ESR1: variants seen among roughly 807,000 people sequenced by gnomAD.
ESR1 encodes the protein estrogen receptor.
In ESR1, 12 loss-of-function variants were observed where a neutral mutation model predicts 52.7. The observed-to-expected ratio is 0.23, with a 90% CI of 0.15 to 0.37. The LOEUF (loss-of-function observed/expected upper bound fraction) is 0.37, where lower values mean the gene tolerates loss of function less well. ESR1 is among the 10% of genes least tolerant of loss of function. The pLI, the probability that ESR1 is intolerant of heterozygous loss-of-function variation, is 1.00. For synonymous variants in ESR1, 305 were observed against 316.8 expected (o/e 0.96, Z 0.39); for missense variants, 584 against 779.7 (o/e 0.75, Z 2.99).
chr6:151,804,387 C>T (rs1777573431), upstream of ESR1: 1 of 152,244 alleles, frequency 6.6e-6, no homozygotes, highest in East Asian at 1.9e-4. Context: ...CCCTGTTCCT[C>T]TCTCCTCCCT....
chr6:152,079,675 G>A (rs968650362), intron 6 of ESR1, among the ~76,000 whole-genome samples: 40 of 152,006 alleles, frequency 2.6e-4, no homozygotes, highest in African/African-American at 7.7e-4. Context: ...TCAGAAGGTC[G>A]GTAATAACAA....
At chr6:152,017,006 C>A (rs548204791) in intron 5 of ESR1, among the ~76,000 whole-genome samples, 37 of 152,130 alleles carry the variant, frequency 2.4e-4, no homozygotes, top group Non-Finnish European at 5.0e-4. Flanking sequence ...TCTCTCAAAT[C>A]TTTGCAAATC....
chr6:152,122,417 C>T (rs1460786833), intron 6 of ESR1: 2 of 1,614,038 alleles, frequency 1.2e-6, no homozygotes, highest in East Asian at 4.5e-5. Flanking sequence ...AGCACTTCTG[C>T]AGATGGCATC....
chr6:151,889,522 G>C (rs1794388945), intron 3 of ESR1, among the ~76,000 whole-genome samples: 1 of 151,972 alleles, frequency 6.6e-6, no homozygotes, highest in Non-Finnish European at 1.5e-5. Flanking sequence ...TTTTATTTCT[G>C]ATTCAGTTTA....
chr6:151,743,058 G>A (rs776278096), intron 2 of ESR1, among the ~76,000 whole-genome samples: 4 of 152,184 alleles, frequency 2.6e-5, no homozygotes, highest in Non-Finnish European at 5.9e-5. Context: ...CCATAGATCT[G>A]GACGTCGGTC....
At chr6:151,809,451 C>A (rs1778441790) in intron 1 of ESR1, among the ~76,000 whole-genome samples, 1 of 152,166 alleles carries the variant, frequency 6.6e-6, no homozygotes, top group South Asian at 2.1e-4. Flanking sequence ...GGCCACAGGA[C>A]AGGTGTACCC....
intron 2 of ESR1, among the ~76,000 whole-genome samples, chr6:151,865,876 T>G (rs1562492015): frequency 6.6e-6 from 1 of 152,158 alleles, no homozygotes; most frequent in Non-Finnish European, 1.5e-5. Context: ...TAGAATGGGA[T>G]GTGGATGGAA....
rs116190197 is a variant in ESR1, at chr6:152,041,977, A to G, written c.1236-19014A>G. The stretch of plus-strand genomic sequence containing the variant: ...TCACCGCTTAGTTAAGCTTACAATA[A>G]TCCACTGTCATTTTACAAGATCCAT... On this transcript the variant is annotated intron_variant, in intron 5 of 7. Coordinates refer to ENST00000206249, the MANE Select transcript of ESR1 (RefSeq NM_000125.4). Among the ~76,000 whole-genome samples the G allele has an allele frequency of 3.1e-3, 465 of 152,314 alleles. 6 individuals are homozygous for G. Among genetic ancestry groups the G allele is most frequent in the African/African-American group, 0.011 (440 of 41,578 alleles).
chr6:151,854,328 G>T lies in ESR1; in HGVS notation c.643+11541G>T, dbSNP rs138179875. Among the ~76,000 whole-genome samples the T allele has an allele frequency of 2.0e-5, 3 of 152,212 alleles. No individual in the cohort carries two copies. The East Asian group carries it at 5.8e-4, about 29-fold the overall frequency. Reference sequence around the variant, plus strand: ...ATTTTCCACTTACGTGTGGGTTAGAGAGCAGATTTGATTTTTTTTTAAGCG... The same window carrying T: ...ATTTTCCACTTACGTGTGGGTTAGATAGCAGATTTGATTTTTTTTTAAGCG... On this transcript the variant is annotated intron_variant, in intron 2 of 7. Coordinates refer to ENST00000206249, the MANE Select transcript of ESR1 (RefSeq NM_000125.4).
chr6:151,906,552 C>T (rs1797488115), intron 3 of ESR1, among the ~76,000 whole-genome samples: 1 of 151,370 alleles, frequency 6.6e-6, no homozygotes. Flanking sequence ...ATACAACAGC[C>T]TGAATTTTTA....
chr6:152,019,478 C>A (rs1050071985), intron 5 of ESR1, among the ~76,000 whole-genome samples: 1 of 152,196 alleles, frequency 6.6e-6, no homozygotes, highest in Admixed American at 6.5e-5. Flanking sequence ...TCTTAAGAGA[C>A]TTAAGCCTGT....
rs1273610262 is a variant in ESR1 at position 151,674,253 on chromosome 6, CT to C, written n.73+17491del. On this transcript the variant is annotated intron_variant and non_coding_transcript_variant, in intron 1 of 2. Transcript: ENST00000473497. ...GTGTCCATGTGTTCTCATTGTTCAA[CT>C]CCCATTTATGAGTGAGAACATGCAG... is the stretch of plus-strand genomic sequence containing the variant. Among the ~76,000 whole-genome samples, 3 of 152,276 alleles carry C rather than the reference CT, an allele frequency of 2.0e-5. No individual in the cohort carries two copies. In the East Asian group the frequency reaches 5.8e-4, roughly 29 times the overall value.
intron 2 of ESR1, among the ~76,000 whole-genome samples, chr6:151,728,930 A>G (rs1455235176): frequency 6.6e-6 from 1 of 152,246 alleles, no homozygotes; most frequent in Non-Finnish European, 1.5e-5. Flanking sequence ...ATGCATGTAG[A>G]TAAAACCTAA....
chr6:151,693,758 C>G (rs749823103), intron 1 of ESR1, among the ~76,000 whole-genome samples: 2 of 152,194 alleles, frequency 1.3e-5, no homozygotes, highest in Non-Finnish European at 2.9e-5. Flanking sequence ...GCTGGGATTA[C>G]AGGCATGTGC....
intron 3 of ESR1, among the ~76,000 whole-genome samples, chr6:151,903,241 C>G (rs559243775): frequency 6.6e-6 from 1 of 152,146 alleles, no homozygotes; most frequent in Non-Finnish European, 1.5e-5. Context: ...TGTTTTCCTT[C>G]TGAATTGCTA....
At chr6:151,850,161 T>C (rs1035403996) in intron 2 of ESR1, among the ~76,000 whole-genome samples, 1 of 41,764 alleles carries the variant, frequency 2.4e-5, no homozygotes, top group African/African-American at 1.1e-4. Context: ...CCCAGAAAGA[T>C]ATGTTGAAGT....
intron 2 of ESR1, among the ~76,000 whole-genome samples, chr6:151,740,627 G>T (rs1783026961): frequency 6.6e-6 from 1 of 151,772 alleles, no homozygotes; most frequent in Non-Finnish European, 1.5e-5. Flanking sequence ...GTTATTTTTT[G>T]ATCAATTTTT....
chr6:151,904,105 A>G (rs943481388), intron 3 of ESR1, among the ~76,000 whole-genome samples: 1 of 152,246 alleles, frequency 6.6e-6, no homozygotes, highest in Non-Finnish European at 1.5e-5. Flanking sequence ...TATCACAACC[A>G]TAATATCATA....
At chr6:151,697,980 C>T (rs1779487116) in intron 1 of ESR1, among the ~76,000 whole-genome samples, 1 of 152,076 alleles carries the variant, frequency 6.6e-6, no homozygotes. Flanking sequence ...CGCCTGTAGT[C>T]CCAGCTACTA....
Sources: allele counts gnomAD v4.1 joint callset (sites outside exome capture counted in the v4.1 genomes callset), GRCh38; gene constraint gnomAD v4.1.1; transcripts MANE v1.5; gene names NCBI Gene and HGNC (gene_info 2026-07-23, HGNC 2026-07-21).